Variants in USP34 observed in about 807,000 individuals in gnomAD.
USP34 encodes ubiquitin specific peptidase 34.
A neutral mutation model predicts 460.3 loss-of-function variants in USP34; 70 were observed. The ratio of observed to expected loss-of-function variants is 0.15; its 90% CI spans 0.13 to 0.19. The LOEUF is 0.19. Among genes scored for constraint, USP34 ranks in the 10% least tolerant of loss-of-function variants. The pLI, the probability that USP34 is intolerant of heterozygous loss-of-function variation, is 1.00. For synonymous variants in USP34, 1,647 were observed against 1,405.3 expected, an observed-to-expected ratio of 1.17 and a Z score of -3.85; for missense variants, 3,985 against 4,236.2, an observed-to-expected ratio of 0.94 and a Z score of 1.65.
rs185706364 is a variant in USP34 at position 61,296,825 on chromosome 2, G to A, written c.4229C>T (p.Ala1410Val). The A allele has an allele frequency of 7.0e-4, 1,130 of 1,613,336 alleles. 3 individuals carry two copies. The Middle Eastern group carries it at 0.013, about 19-fold the overall frequency. Reference protein sequence around the residue: ...LLPTCPNMLMAFQNISDEQSN... With the variant: ...LLPTCPNMLMVFQNISDEQSN... ...CTGCTCATCTGAGATATTCTGGAAT[G>A]CCATCAACATATTAGGACATGTAGG... is the stretch of plus-strand genomic sequence containing the variant. The change falls in exon 30 of 80, where the codon GCA (alanine) becomes GTA (valine). Residue 1410 changes from alanine to valine, a missense_variant. Coordinates refer to ENST00000398571, the MANE Select transcript of USP34 (RefSeq NM_014709.4).
chr2:61,295,022 C>G lies in USP34; in HGVS notation c.4388G>C (p.Ser1463Thr). The G allele has an allele frequency of 1.9e-6, 3 of 1,610,968 alleles. No individual in the cohort carries two copies. Among genetic ancestry groups the G allele is most frequent in the Non-Finnish European group, 2.5e-6 (3 of 1,179,236 alleles). Residue 1463 changes from serine to threonine, a missense_variant, in exon 32 of 80, where the codon AGT becomes ACT. This residue lies in a region of USP34 where 1,114 missense variants were observed against 1,122.5 expected (regional missense o/e 0.99). Coordinates refer to ENST00000398571, the MANE Select transcript of USP34 (RefSeq NM_014709.4). ...ATCATCTGAATCTGGATAAAGATCA[C>G]TGTAACTTCCCTATGAGAAAGGCAA... ...RIRRESTGSY[S>T]DLYPDSDDSS... is the part of the protein sequence containing the mutation.
intron 1 of USP34, among the ~76,000 whole-genome samples, chr2:61,455,123 A>G (rs1332822926): frequency 6.6e-6 from 1 of 151,182 alleles, no homozygotes; most frequent in African/African-American, 2.4e-5. Flanking sequence ...CTGTGGTGAT[A>G]TGCCTACCTT....
intron 10 of USP34, among the ~76,000 whole-genome samples, chr2:61,366,050 T>G (rs1037220764): frequency 4.6e-5 from 7 of 152,114 alleles, no homozygotes; most frequent in Non-Finnish European, 4.4e-5. Flanking sequence ...CTCAGCCTCC[T>G]GAGTAGCTGG....
At chr2:61,318,886 A>G (rs1156498930) in intron 22 of USP34, among the ~76,000 whole-genome samples, 1 of 152,236 alleles carries the variant, frequency 6.6e-6, no homozygotes, top group Admixed American at 6.5e-5. Flanking sequence ...TCAAAAAAAC[A>G]AACACTAAGA....
chr2:61,283,701 T>C (rs1689604471), intron 35 of USP34, among the ~76,000 whole-genome samples: 1 of 151,014 alleles, frequency 6.6e-6, no homozygotes, highest in Non-Finnish European at 1.5e-5. Context: ...ACTGCAGCCT[T>C]GACCTTCCAG....
At chr2:61,392,889 A>T (rs1305770629) in intron 5 of USP34, among the ~76,000 whole-genome samples, 1 of 152,192 alleles carries the variant, frequency 6.6e-6, no homozygotes, top group Non-Finnish European at 1.5e-5. Flanking sequence ...AGTTAACTAA[A>T]TTGAGATACT....
rs35694674 is a variant in USP34, at chr2:61,444,505, G to GA, written c.44-23673dup. 2.8e-3 allele frequency among the ~76,000 whole-genome samples: 423 copies of GA among 152,166 alleles called. 1 individual carries two copies. The highest frequency in any genetic ancestry group is 9.4e-3 in the African/African-American group (392 of 41,538). On this transcript the variant is annotated intron_variant, in intron 1 of 79. Transcript: ENST00000398571. The stretch of plus-strand genomic sequence containing the variant: ...ACAGACTGAGGCAGTGACTACATTT[G>GA]AAAAAATAATGGCTAAGTACTTCTA...
chr2:61,343,970 CTAA>C lies in USP34; in HGVS notation c.2342_2344del (p.Val781_Ser782delinsGly). 2 of 1,613,890 alleles carry C rather than the reference CTAA, an allele frequency of 1.2e-6. No homozygotes were observed. The highest frequency in any genetic ancestry group is 1.7e-6 in the Non-Finnish European group (2 of 1,179,900). ...AGCCATATTTTTTTCTGATTTTGCA[CTAA>C]CCTGGGAGCTACTACAACTGACATC... On this transcript the variant is annotated inframe_deletion, in exon 16 of 80. Coordinates refer to ENST00000398571, the MANE Select transcript of USP34 (RefSeq NM_014709.4).
At chr2:61,201,696 T>C (rs1686982352) in intron 75 of USP34, among the ~76,000 whole-genome samples, 1 of 152,200 alleles carries the variant, frequency 6.6e-6, no homozygotes, top group Admixed American at 6.5e-5. Flanking sequence ...CCTGAAAGTG[T>C]GCACTTGGGT....
At chr2:61,470,615 G>T (rs779647813) in intron 1 of USP34, 35 bp downstream of exon 1, 5 of 1,508,966 alleles carry the variant, frequency 3.3e-6, no homozygotes, top group African/African-American at 1.4e-5. Flanking sequence ...ACCCCAAACC[G>T]TGCACCCCGA....
rs78617861 is a variant in USP34 at position 61,295,636 on chromosome 2, A to G, written c.4255-346T>C. The stretch of plus-strand genomic sequence containing the variant: ...GATGAATTAAATGTCTGTACTTAAT[A>G]GTTACAACTATATATTTAAAAGTCA... On this transcript the variant is annotated intron_variant, in intron 30 of 79. Transcript: ENST00000398571. Among the ~76,000 whole-genome samples the G allele has an allele frequency of 3.8e-3, 586 of 152,360 alleles. 2 individuals carry two copies. The highest frequency in any genetic ancestry group is 6.9e-3 in the Non-Finnish European group (467 of 68,034).
chr2:61,201,726 A>G (rs1053862088), intron 75 of USP34, among the ~76,000 whole-genome samples: 1 of 152,232 alleles, frequency 6.6e-6, no homozygotes, highest in African/African-American at 2.4e-5. Flanking sequence ...AACCCAAAAC[A>G]GGGTAGAACA....
intron 5 of USP34, among the ~76,000 whole-genome samples, chr2:61,391,220 C>A (rs571074564): frequency 1.3e-5 from 2 of 152,042 alleles, no homozygotes; most frequent in African/African-American, 4.8e-5. Flanking sequence ...CCAAGGCGGG[C>A]GGATCATTTG....
intron 62 of USP34, among the ~76,000 whole-genome samples, chr2:61,224,196 A>G (rs1420150903): frequency 1.3e-5 from 2 of 152,200 alleles, no homozygotes; most frequent in Non-Finnish European, 2.9e-5. Context: ...TTAGTTGAAA[A>G]GTCTCTTAAA....
chr2:61,407,297 C>A (rs1211948068), intron 2 of USP34, among the ~76,000 whole-genome samples: 1 of 148,970 alleles, frequency 6.7e-6, no homozygotes, highest in Non-Finnish European at 1.5e-5. Context: ...GAGGCTTGAG[C>A]CCAGGAGGCT....
chr2:61,202,437 A>G (rs1409880621), intron 75 of USP34, among the ~76,000 whole-genome samples: 6 of 152,178 alleles, frequency 3.9e-5, no homozygotes, highest in Non-Finnish European at 7.3e-5. Context: ...AAGTCCTGAG[A>G]TAGAGGACCT....
intron 76 of USP34, 118 bp downstream of exon 76, chr2:61,192,783 A>G (rs1686680711): frequency 2.9e-6 from 2 of 696,434 alleles, no homozygotes; most frequent in South Asian, 2.3e-5. Context: ...TATGTTACCT[A>G]TCAAGATTCT....
chr2:61,262,537 T>C (rs1266973280), intron 43 of USP34, among the ~76,000 whole-genome samples: 3 of 152,238 alleles, frequency 2.0e-5, no homozygotes, highest in East Asian at 1.9e-4. Flanking sequence ...TATGGCTGCA[T>C]AGTGTTCTAT....
At chr2:61,343,358 G>GCC (rs200736408) in intron 16 of USP34, among the ~76,000 whole-genome samples, 2,755 of 151,654 alleles carry the variant, frequency 0.018, 36 homozygotes, top group Middle Eastern at 0.034. Flanking sequence ...TCTCACACTC[G>GCC]CCCCTCCTTA....
Sources: allele counts gnomAD v4.1 joint callset (sites outside exome capture counted in the v4.1 genomes callset), GRCh38; gene constraint gnomAD v4.1.1; regional missense constraint gnomAD v4.1.1; transcripts MANE v1.5; gene names NCBI Gene and HGNC (gene_info 2026-07-23, HGNC 2026-07-21).